NELL1: variants seen among roughly 807,000 people sequenced by gnomAD.
NELL1 encodes the protein neural EGFL like 1.
NELL1 carries 76 observed loss-of-function variants against 107.4 expected under a neutral mutation model. That is an observed-to-expected ratio of 0.71 (90% CI 0.59 to 0.86). The LOEUF is 0.86. NELL1 is among the 40% of genes least tolerant of loss of function. The pLI, the probability that NELL1 is intolerant of heterozygous loss-of-function variation, is 0.00. For missense variants in NELL1, 1,024 were observed against 1,005.5 expected (o/e 1.02, Z -0.25); for synonymous variants, 353 against 341.2 (o/e 1.03, Z -0.38).
At chr11:20,917,547 T>A (rs1219824856) in intron 5 of NELL1, among the ~76,000 whole-genome samples, 1 of 151,918 alleles carries the variant, frequency 6.6e-6, no homozygotes, top group Non-Finnish European at 1.5e-5. Flanking sequence ...AACAACAGAA[T>A]CTTGAAATTC....
At chr11:20,677,414 C>A (rs947144069) in intron 1 of NELL1, among the ~76,000 whole-genome samples, 1 of 152,134 alleles carries the variant, frequency 6.6e-6, no homozygotes, top group Non-Finnish European at 1.5e-5. Flanking sequence ...GCTTGGAAAC[C>A]CAGTTTCTTC....
chr11:20,892,627 T>C (rs898341991), intron 5 of NELL1, among the ~76,000 whole-genome samples: 10 of 152,224 alleles, frequency 6.6e-5, no homozygotes, highest in African/African-American at 2.2e-4. Context: ...TGAAGACACA[T>C]GCGGCCGGGC....
chr11:21,311,506 A>G (rs1168039656), intron 14 of NELL1, among the ~76,000 whole-genome samples: 1 of 152,064 alleles, frequency 6.6e-6, no homozygotes, highest in East Asian at 1.9e-4. Flanking sequence ...ATCTCTTTTT[A>G]CACAAATATT....
chr11:21,176,960 A>G (rs757917301), intron 13 of NELL1, among the ~76,000 whole-genome samples: 5 of 151,624 alleles, frequency 3.3e-5, no homozygotes, highest in Non-Finnish European at 5.9e-5. Context: ...AGTTTTTTTA[A>G]TTTTTATTTT....
At chr11:21,059,182 A>G (rs1009670367) in intron 12 of NELL1, among the ~76,000 whole-genome samples, 4 of 151,490 alleles carry the variant, frequency 2.6e-5, no homozygotes, top group African/African-American at 4.9e-5. Flanking sequence ...TTTTTATGGC[A>G]GTTGCATTTT....
At chr11:21,316,435 C>A (rs765900654) in intron 14 of NELL1, among the ~76,000 whole-genome samples, 15 of 152,168 alleles carry the variant, frequency 9.9e-5, no homozygotes, top group Non-Finnish European at 1.9e-4. Flanking sequence ...AGGATAATAT[C>A]ACTGCTTACG....
intron 15 of NELL1, among the ~76,000 whole-genome samples, chr11:21,442,238 A>G (rs61885938): frequency 0.11 from 16,846 of 152,118 alleles, 1,102 homozygotes; most frequent in Non-Finnish European, 0.13. Flanking sequence ...AAGATTAGCA[A>G]CCTCAGTTGC....
intron 19 of NELL1, among the ~76,000 whole-genome samples, chr11:21,574,355 C>T (rs79961310): frequency 0.012 from 1,897 of 151,762 alleles, 37 homozygotes; most frequent in East Asian, 0.072. Context: ...CCATCTGTAC[C>T]TTCAGTCCCA....
chr11:21,340,253 T>C (rs1383341646), intron 14 of NELL1, among the ~76,000 whole-genome samples: 1 of 152,024 alleles, frequency 6.6e-6, no homozygotes, highest in Non-Finnish European at 1.5e-5. Flanking sequence ...CCCAGGTTCA[T>C]GCCATTCTCC....
intron 15 of NELL1, among the ~76,000 whole-genome samples, chr11:21,371,914 C>T (rs764016868): frequency 4.6e-5 from 7 of 151,860 alleles, no homozygotes; most frequent in Non-Finnish European, 1.0e-4. Context: ...TTTTATGTGC[C>T]CATTTATTAT....
In NELL1 at chr11:21,403,279, A is replaced by G. The variant is rs557275480; in HGVS notation, c.1645+32331A>G. Among the ~76,000 whole-genome samples, 8 of 151,820 alleles carry G rather than the reference A, an allele frequency of 5.3e-5. No individual in the cohort carries two copies. The South Asian group carries it at 1.7e-3, about 31-fold the overall frequency. On this transcript the variant is annotated intron_variant, in intron 15 of 19. Transcript: ENST00000357134. ...GGGGCACAAAGCAATTAAGCATGTC[A>G]TATAGTCTACCTGTGTCAGTGCTGG...
Position 20,743,128 on chromosome 11 carries a change from G to A in NELL1, c.185-40552G>A, listed in dbSNP as rs931306861. ...AGCACTTTGGGAGGCCTAGGCAGGT[G>A]TATCACTTAAGGTCAGGAGTTCGAG... On this transcript the variant is annotated intron_variant, in intron 2 of 19. Transcript: ENST00000357134. Among the ~76,000 whole-genome samples the A allele has an allele frequency of 2.6e-5, 4 of 152,158 alleles. No individual in the cohort carries two copies. The South Asian group carries it at 8.3e-4, about 32-fold the overall frequency.
chr11:20,764,189 A>G (rs1856482970), intron 2 of NELL1, among the ~76,000 whole-genome samples: 1 of 152,220 alleles, frequency 6.6e-6, no homozygotes, highest in African/African-American at 2.4e-5. Context: ...TTATTTTGCA[A>G]ACTGAAATGC....
chr11:21,084,432 TA>T (rs112513291), intron 12 of NELL1, among the ~76,000 whole-genome samples: 5 of 152,198 alleles, frequency 3.3e-5, no homozygotes, highest in African/African-American at 1.2e-4. Flanking sequence ...GAATACTTTC[TA>T]AACATAGTAT....
intron 12 of NELL1, among the ~76,000 whole-genome samples, chr11:21,048,531 C>T (rs1023191010): frequency 4.6e-5 from 7 of 152,088 alleles, no homozygotes; most frequent in Non-Finnish European, 1.0e-4. Flanking sequence ...TGCTTCTCAT[C>T]CTCCCTCTTA....
At chr11:20,671,425 C>T (rs1365584561) in intron 1 of NELL1, 1 of 152,258 alleles carries the variant, frequency 6.6e-6, no homozygotes, top group Non-Finnish European at 1.5e-5. Flanking sequence ...CCTAAGTGCA[C>T]ATCACTACGG....
intron 15 of NELL1, among the ~76,000 whole-genome samples, chr11:21,481,084 C>T (rs777834558): frequency 2.0e-5 from 3 of 152,086 alleles, no homozygotes; most frequent in Non-Finnish European, 4.4e-5. Flanking sequence ...AATGACAGGA[C>T]ATGTGAAAGT....
At chr11:21,383,218 A>G (rs1209565047) in intron 15 of NELL1, among the ~76,000 whole-genome samples, 1 of 152,012 alleles carries the variant, frequency 6.6e-6, no homozygotes, top group Non-Finnish European at 1.5e-5. Flanking sequence ...TTAATCAAAC[A>G]GCAAGGTCTA....
At chr11:21,237,449 C>CTT (rs1858238431) in intron 14 of NELL1, among the ~76,000 whole-genome samples, 1 of 152,054 alleles carries the variant, frequency 6.6e-6, no homozygotes, top group Admixed American at 6.6e-5. Flanking sequence ...ATGAGTCTTT[C>CTT]TTTCTTACAT....
Sources: allele counts gnomAD v4.1 joint callset (sites outside exome capture counted in the v4.1 genomes callset), GRCh38; gene constraint gnomAD v4.1.1; transcripts MANE v1.5; gene names NCBI Gene and HGNC (gene_info 2026-07-23, HGNC 2026-07-21).